BATF: variants seen among roughly 807,000 people sequenced by gnomAD.
The protein encoded by BATF is basic leucine zipper transcriptional factor ATF-like.
A neutral mutation model predicts 13.7 loss-of-function variants in BATF; 5 were observed. The ratio of observed to expected loss-of-function variants is 0.36; its 90% CI spans 0.19 to 0.77. The LOEUF (loss-of-function observed/expected upper bound fraction) is 0.77, where lower values mean the gene tolerates loss of function less well. Among genes scored for constraint, BATF ranks in the 30% least tolerant of loss-of-function variants. The probability of loss-of-function intolerance (pLI) is 0.51; values close to 1 mark genes in which losing one functional copy is unlikely to be tolerated. For missense variants in BATF, 124 were observed against 163.0 expected, an observed-to-expected ratio of 0.76 and a Z score of 1.30; for synonymous variants, 72 against 67.5, an observed-to-expected ratio of 1.07 and a Z score of -0.33.
chr14:75,545,648 C>T (rs1426425022), intron 2 of BATF, among the ~76,000 whole-genome samples: 1 of 152,072 alleles, frequency 6.6e-6, no homozygotes, highest in Non-Finnish European at 1.5e-5. Flanking sequence ...TTGGAAAACA[C>T]GTGGCATAAC....
intron 2 of BATF, among the ~76,000 whole-genome samples, chr14:75,532,875 G>A (rs61978957): frequency 5.5e-4 from 84 of 152,340 alleles, no homozygotes; most frequent in Non-Finnish European, 8.1e-4. Flanking sequence ...ATGGTCGCAT[G>A]CATAAAGAGA....
Position 75,546,658 on chromosome 14 carries a change from G to A in BATF, c.365G>A (p.Arg122His). ...AFHQPHVSSP[R>H]FQP is the part of the protein sequence containing the mutation. ...CACCAACCTCATGTCAGCTCCCCGC[G>A]CTTCCAGCCCTGAGCTTCCGATGCG... The change falls in exon 3 of 3, where the codon CGC becomes CAC. Residue 122 changes from arginine (R) to histidine (H), a missense_variant. By Grantham distance (29) the Arg-to-His change is conservative. This residue lies in a region of BATF where 59 missense variants were observed against 49.7 expected (regional missense o/e 1.19). Transcript: ENST00000286639. 1.9e-6 allele frequency: 3 copies of A among 1,601,490 alleles called. No homozygotes were observed. The highest frequency in any genetic ancestry group is 1.1e-5 in the South Asian group (1 of 89,648).
At position 75,522,578 on chromosome 14, in the gene BATF, G is replaced by C; in HGVS notation, c.-105G>C. 7.6e-7 allele frequency: 1 copy of C among 1,309,768 alleles called. No homozygotes were observed. Among genetic ancestry groups the C allele is most frequent in the Non-Finnish European group, 1.1e-6 (1 of 911,280 alleles). 81.1% of individuals were successfully genotyped at this position (1,309,768 alleles called of 1,614,324 possible). Reference sequence around the variant, plus strand: ...CAGGCAGAGGAGGCACCTGTAGGGGGTGGTGGGCTGGTGGCCCAGGAGAAG... The same window carrying C: ...CAGGCAGAGGAGGCACCTGTAGGGGCTGGTGGGCTGGTGGCCCAGGAGAAG... On this transcript the variant is annotated 5_prime_UTR_variant, in exon 1 of 3. Transcript: ENST00000286639.
intron 2 of BATF, among the ~76,000 whole-genome samples, chr14:75,541,922 C>A (rs905145127): frequency 7.2e-5 from 11 of 152,076 alleles, no homozygotes; most frequent in African/African-American, 2.7e-4. Flanking sequence ...CCTCAGCCTC[C>A]CAAAGTGCTG....
At chr14:75,543,203 C>A (rs945373011) in intron 2 of BATF, among the ~76,000 whole-genome samples, 5 of 152,160 alleles carry the variant, frequency 3.3e-5, no homozygotes, top group Non-Finnish European at 7.3e-5. Flanking sequence ...AGGAAATACC[C>A]AAATGGTAAA....
intron 2 of BATF, among the ~76,000 whole-genome samples, chr14:75,543,967 T>A (rs1035507106): frequency 1.3e-5 from 2 of 152,182 alleles, no homozygotes; most frequent in African/African-American, 4.8e-5. Context: ...CAAGTTATCT[T>A]ACATCTGCTC....
chr14:75,544,079 G>A (rs562128036), intron 2 of BATF, among the ~76,000 whole-genome samples: 1 of 152,204 alleles, frequency 6.6e-6, no homozygotes, highest in Admixed American at 6.5e-5. Flanking sequence ...GCCAGGCATT[G>A]AGCCAGGCAT....
Position 75,522,615 on chromosome 14 carries a change from G to A in BATF, c.-68G>A. 3 of 1,593,556 alleles carry A rather than the reference G, an allele frequency of 1.9e-6. No homozygotes were observed. In the East Asian group the frequency reaches 6.7e-5, roughly 36 times the overall value. ...TGGCCCAGGAGAAGTCAGGAAGGGA[G>A]CCCAGCTGGTGACAAGAGAGCCCAG... On this transcript the variant is annotated 5_prime_UTR_variant, in exon 1 of 3. Coordinates refer to ENST00000286639, the MANE Select transcript of BATF (RefSeq NM_006399.5).
chr14:75,537,728 T>C (rs1305858444), intron 2 of BATF, among the ~76,000 whole-genome samples: 1 of 152,164 alleles, frequency 6.6e-6, no homozygotes, highest in African/African-American at 2.4e-5. Context: ...CATTTTGTTT[T>C]AGAAATTTTT....
intron 2 of BATF, among the ~76,000 whole-genome samples, chr14:75,534,769 T>C (rs1887793741): frequency 6.6e-6 from 1 of 152,238 alleles, no homozygotes. Context: ...ATTATATACT[T>C]GATATGACCC....
intron 2 of BATF, among the ~76,000 whole-genome samples, chr14:75,545,457 A>G (rs1474858729): frequency 6.9e-6 from 1 of 144,884 alleles, no homozygotes; most frequent in African/African-American, 2.6e-5. Context: ...CTGGTCTCGA[A>G]CTCCTGACTT....
intron 2 of BATF, among the ~76,000 whole-genome samples, chr14:75,532,403 T>C (rs1056312026): frequency 2.0e-5 from 3 of 152,220 alleles, no homozygotes; most frequent in Non-Finnish European, 4.4e-5. Flanking sequence ...ATTGTACAAT[T>C]GATATCATAT....
chr14:75,542,631 C>A (rs1472141950), intron 2 of BATF, among the ~76,000 whole-genome samples: 3 of 152,252 alleles, frequency 2.0e-5, no homozygotes, highest in African/African-American at 7.2e-5. Flanking sequence ...AGATCAGCCA[C>A]TTCCTCCTGC....
intron 2 of BATF, among the ~76,000 whole-genome samples, chr14:75,538,166 C>T (rs1408387820): frequency 6.6e-6 from 1 of 152,056 alleles, no homozygotes; most frequent in Non-Finnish European, 1.5e-5. Flanking sequence ...ACTATGTTGC[C>T]CAGGCTGGTC....
intron 1 of BATF, among the ~76,000 whole-genome samples, chr14:75,524,564 C>A (rs1288460631): frequency 6.6e-6 from 1 of 152,078 alleles, no homozygotes; most frequent in Non-Finnish European, 1.5e-5. Flanking sequence ...TCAGTTTCCT[C>A]ACATATAAAA....
chr14:75,540,097 G>C (rs755807200), intron 2 of BATF, among the ~76,000 whole-genome samples: 2 of 152,142 alleles, frequency 1.3e-5, no homozygotes, highest in Admixed American at 1.3e-4. Flanking sequence ...TGGAAATTGT[G>C]ATTAGAAAAT....
At chr14:75,522,809 GCTTC>G (rs1346788899) in intron 1 of BATF, 64 bp downstream of exon 1, 1 of 1,601,654 alleles carries the variant, frequency 6.2e-7, no homozygotes, top group Non-Finnish European at 8.5e-7. Context: ...AGAGAGCCAG[GCTTC>G]CTTGTCCTGC....
chr14:75,531,995 A>G (rs912796355), intron 2 of BATF, among the ~76,000 whole-genome samples: 1 of 152,210 alleles, frequency 6.6e-6, no homozygotes, highest in Non-Finnish European at 1.5e-5. Flanking sequence ...CTCCATTGCT[A>G]TGAATTTCTT....
intron 2 of BATF, among the ~76,000 whole-genome samples, chr14:75,527,357 G>A (rs1166357029): frequency 1.3e-5 from 2 of 152,252 alleles, no homozygotes; most frequent in East Asian, 3.9e-4. Context: ...TTAGACATAA[G>A]TTTGATGCTT....
Sources: allele counts gnomAD v4.1 joint callset (sites outside exome capture counted in the v4.1 genomes callset), GRCh38; gene constraint gnomAD v4.1.1; regional missense constraint gnomAD v4.1.1; transcripts MANE v1.5; gene names NCBI Gene and HGNC (gene_info 2026-07-23, HGNC 2026-07-21).